The following CHST10 variants were observed in gnomAD, a reference collection of about 807,000 sequenced individuals.
CHST10 encodes the protein HNK-1 sulfotransferase.
A neutral mutation model predicts 34.7 loss-of-function variants in CHST10; 24 were observed. The observed-to-expected ratio is 0.69, with a 90% CI of 0.50 to 0.97. The LOEUF (loss-of-function observed/expected upper bound fraction) is 0.97, where lower values mean the gene tolerates loss of function less well. Among genes scored for constraint, CHST10 ranks in the 50% least tolerant of loss-of-function variants. The probability of loss-of-function intolerance (pLI) is 0.00; values close to 1 mark genes in which losing one functional copy is unlikely to be tolerated. For missense variants in CHST10, 402 were observed against 452.1 expected, an observed-to-expected ratio of 0.89 and a Z score of 1.00; for synonymous variants, 161 against 169.3, an observed-to-expected ratio of 0.95 and a Z score of 0.38.
At position 100,417,363 on chromosome 2, in the gene CHST10, C is replaced by T. The variant is rs1573208630; in HGVS notation, c.-104+11G>A. On this transcript the variant is annotated intron_variant, in intron 1 of 6. Transcript: ENST00000264249. ...GCTGAAACCCACCCGCCTGCGCGTC[C>T]CCGAGCTCACCCTACTGGAGCGGCG... 2.9e-6 allele frequency: 1 copy of T among 342,130 alleles called. No individual in the cohort carries two copies. The highest frequency in any genetic ancestry group is 7.6e-5 in the East Asian group (1 of 13,160). The allele number at this position is 342,130 out of a possible 1,614,324, so 21.2% of individuals were successfully genotyped here.
intron 2 of CHST10, among the ~76,000 whole-genome samples, chr2:100,413,937 T>A (rs961500555): frequency 2.6e-5 from 4 of 152,186 alleles, no homozygotes; most frequent in Non-Finnish European, 5.9e-5. Flanking sequence ...AGCCCTCCTC[T>A]GAGCCGGGGC....
chr2:100,416,625 C>A, intron 1 of CHST10: 1 of 260,244 alleles, frequency 3.8e-6, no homozygotes, highest in South Asian at 4.6e-5. Flanking sequence ...CACTCTGGCA[C>A]TCTAAGCAAT....
intron 1 of CHST10, 76 bp from the exon 2 acceptor site, chr2:100,415,187 T>C (rs1676016363): frequency 2.2e-6 from 2 of 892,996 alleles, no homozygotes; most frequent in South Asian, 1.6e-5. Flanking sequence ...ACTTGGTTTA[T>C]ACTTAGGAAG....
rs565119117 is a variant in CHST10 at position 100,397,056 on chromosome 2, G to A, written c.427+852C>T. 7.2e-5 allele frequency among the ~76,000 whole-genome samples: 11 copies of A among 152,288 alleles called. No homozygotes were observed. In the South Asian group the frequency reaches 2.1e-3, roughly 29 times the overall value. ...CCAGGAGTGACCACCGACTCTGTGGGCAGCATCAGGAGTGGCAAGCAGGAC... is the reference window on the plus strand; with the variant it reads ...CCAGGAGTGACCACCGACTCTGTGGACAGCATCAGGAGTGGCAAGCAGGAC... On this transcript the variant is annotated intron_variant, in intron 5 of 6. Transcript: ENST00000264249.
Position 100,393,753 on chromosome 2 carries a change from A to C in CHST10, c.563T>G (p.Val188Gly). The stretch of plus-strand genomic sequence containing the variant: ...AATAAGTCTTTCGAAGGGATCTCTT[A>C]CAATAAAAAACTTGAAGTATGTTTT... ...RLKTYFKFFI[V>G]RDPFERLISA... is the part of the protein sequence containing the mutation. Residue 188 changes from valine (V) to glycine (G), a missense_variant, in exon 7 of 7, where the codon GTA (valine) becomes GGA (glycine). Val to Gly is a moderately radical substitution (Grantham distance 109, BLOSUM62 -3). Transcript: ENST00000264249. 6.2e-7 allele frequency: 1 copy of C among 1,610,562 alleles called. No homozygotes were observed. The highest frequency in any genetic ancestry group is 8.5e-7 in the Non-Finnish European group (1 of 1,179,286).
chr2:100,402,674 G>T lies in CHST10; in HGVS notation c.101-19C>A. The T allele has an allele frequency of 1.2e-6, 2 of 1,603,058 alleles. No individual in the cohort carries two copies. Among genetic ancestry groups the T allele is most frequent in the South Asian group, 2.2e-5 (2 of 90,836 alleles). ...CTGTACACTGGAAGACAGAGAGGTT[G>T]AATGTCTTCTCTAAAAGGAAAAGGC... On this transcript the variant is annotated intron_variant, in intron 3 of 6. Coordinates refer to ENST00000264249, the MANE Select transcript of CHST10 (RefSeq NM_004854.5).
At chr2:100,407,739 C>T (rs1346913981) in intron 2 of CHST10, 1 of 152,170 alleles carries the variant, frequency 6.6e-6, no homozygotes, top group Non-Finnish European at 1.5e-5. Flanking sequence ...GACACACCCA[C>T]CACGTAGTTA....
intron 4 of CHST10, among the ~76,000 whole-genome samples, chr2:100,399,497 G>A (rs183507930): frequency 1.3e-5 from 2 of 152,304 alleles, no homozygotes; most frequent in Admixed American, 6.5e-5. Context: ...AAATATCCTT[G>A]TTATATCTTT....
At chr2:100,398,226 A>T in intron 4 of CHST10, 84 bp from the exon 5 acceptor site, 9 of 933,634 alleles carry the variant, frequency 9.6e-6, no homozygotes, top group Non-Finnish European at 1.5e-5. Flanking sequence ...CTGCTGGTCT[A>T]TCCCCTCCTT....
intron 3 of CHST10, among the ~76,000 whole-genome samples, chr2:100,405,192 C>G (rs1675515702): frequency 6.6e-6 from 1 of 152,168 alleles, no homozygotes; most frequent in Non-Finnish European, 1.5e-5. Context: ...AAGAATCGAC[C>G]CTTGCTCTGC....
intron 6 of CHST10, among the ~76,000 whole-genome samples, 190 bp from the exon 7 acceptor site, chr2:100,393,972 C>A (rs1360687573): frequency 6.6e-6 from 1 of 152,164 alleles, no homozygotes; most frequent in African/African-American, 2.4e-5. Context: ...GTTATTACCA[C>A]ACTTTGCAGG....
chr2:100,397,581 A>G (rs1675117822), intron 5 of CHST10, among the ~76,000 whole-genome samples: 1 of 152,232 alleles, frequency 6.6e-6, no homozygotes, highest in South Asian at 2.1e-4. Flanking sequence ...GTGGGTGACT[A>G]TAACCATCAG....
chr2:100,400,546 A>G (rs1163127492), intron 4 of CHST10, among the ~76,000 whole-genome samples: 2 of 152,208 alleles, frequency 1.3e-5, no homozygotes, highest in Non-Finnish European at 2.9e-5. Context: ...AGCTAAAGAA[A>G]AAAGATTTCT....
intron 4 of CHST10, 39 bp from the exon 5 acceptor site, chr2:100,398,181 T>A (rs1675163513): frequency 6.6e-7 from 1 of 1,510,452 alleles, no homozygotes; most frequent in South Asian, 1.2e-5. Flanking sequence ...CAGGGACCAT[T>A]AAAGGAGGCA....
At chr2:100,416,908 A>C in intron 1 of CHST10, 1 of 1,238,580 alleles carries the variant, frequency 8.1e-7, no homozygotes, top group Non-Finnish European at 1.1e-6. Flanking sequence ...AGGCCTCCTG[A>C]CAGCGAAGAT....
chr2:100,398,249 C>T (rs1675168548), intron 4 of CHST10, 107 bp from the exon 5 acceptor site: 1 of 749,188 alleles, frequency 1.3e-6, no homozygotes, highest in Non-Finnish European at 2.2e-6. Context: ...CATCTGGAGC[C>T]TTCTCTTCTT....
intron 3 of CHST10, among the ~76,000 whole-genome samples, chr2:100,403,807 G>A (rs569274934): frequency 6.6e-6 from 1 of 152,312 alleles, no homozygotes; most frequent in East Asian, 1.9e-4. Flanking sequence ...CAAAAACACC[G>A]TGAACGTGTG....
chr2:100,404,262 C>G lies in CHST10; in HGVS notation c.101-1607G>C, dbSNP rs1454631322. Among the ~76,000 whole-genome samples the G allele has an allele frequency of 3.3e-5, 5 of 152,324 alleles. No individual in the cohort carries two copies. In the South Asian group the frequency reaches 1.0e-3, roughly 32 times the overall value. ...AGTTCACTGCACACTGTGCGGCCAA[C>G]AGCATCCTCACCACCAGCAGCCCCT... is the stretch of plus-strand genomic sequence containing the variant. On this transcript the variant is annotated intron_variant, in intron 3 of 6. Coordinates refer to ENST00000264249, the MANE Select transcript of CHST10 (RefSeq NM_004854.5).
chr2:100,406,761 A>G, intron 2 of CHST10, 54 bp from the exon 3 acceptor site: 1 of 1,565,794 alleles, frequency 6.4e-7, no homozygotes, highest in East Asian at 2.3e-5. Context: ...CAAGTCAACA[A>G]AGAGGAATGA....
Sources: allele counts gnomAD v4.1 joint callset (sites outside exome capture counted in the v4.1 genomes callset), GRCh38; gene constraint gnomAD v4.1.1; transcripts MANE v1.5; gene names NCBI Gene and HGNC (gene_info 2026-07-23, HGNC 2026-07-21).